Variants in LYPLAL1 observed in about 807,000 individuals in gnomAD.
The protein encoded by LYPLAL1 is lysophospholipase-like protein 1.
Under a neutral mutation model 19.7 loss-of-function variants are expected in LYPLAL1, and 23 were observed. That is an observed-to-expected ratio of 1.17 (90% CI 0.84 to 1.65). LYPLAL1 has a LOEUF of 1.65. LYPLAL1 is among the 40% of genes most tolerant of loss of function. The probability of loss-of-function intolerance (pLI) is 0.00; values close to 1 mark genes in which losing one functional copy is unlikely to be tolerated. For missense variants in LYPLAL1, 355 were observed against 279.4 expected (o/e 1.27, Z -1.93); for synonymous variants, 119 against 96.3 (o/e 1.24, Z -1.38).
At chr1:219,254,181 T>C in the LYPLAL1 span, among the ~76,000 whole-genome samples, 2 of 152,060 alleles carry the variant, frequency 1.3e-5, no homozygotes, top group African/African-American at 4.8e-5. Flanking sequence ...TCATTACGTT[T>C]GAGACGGATC....
chr1:219,309,708 A>G, the LYPLAL1 span, among the ~76,000 whole-genome samples: 1 of 152,218 alleles, frequency 6.6e-6, no homozygotes, highest in Non-Finnish European at 1.5e-5. Context: ...GCCTTCTGCC[A>G]TGATTCTGAG....
chr1:219,187,226 G>C (rs1328737266), intron 2 of LYPLAL1, among the ~76,000 whole-genome samples: 1 of 151,580 alleles, frequency 6.6e-6, no homozygotes, highest in Non-Finnish European at 1.5e-5. Context: ...CTCAGTTGTG[G>C]TCTATTACAG....
downstream of LYPLAL1, among the ~76,000 whole-genome samples, chr1:219,217,379 G>GGGGTGTGTGTGTGT (rs1553304603): frequency 1.2e-4 from 16 of 134,046 alleles, no homozygotes; most frequent in Admixed American, 3.1e-4. Flanking sequence ...TGCCAGGTTT[G>GGGGTGTGTGTGTGT]GTGTGTGTGT....
the LYPLAL1 span, among the ~76,000 whole-genome samples, chr1:219,384,996 G>T: frequency 1.3e-5 from 2 of 152,108 alleles, no homozygotes; most frequent in Non-Finnish European, 2.9e-5. Flanking sequence ...ATCTTGGATC[G>T]TCCAGACTAT....
At position 219,179,162 on chromosome 1, in the gene LYPLAL1, G is replaced by A; in HGVS notation, c.107G>A (p.Gly36Glu). The A allele has an allele frequency of 6.2e-7, 1 of 1,610,892 alleles. No individual in the cohort carries two copies. Among genetic ancestry groups the A allele is most frequent in the Non-Finnish European group, 8.5e-7 (1 of 1,178,662 alleles). ...GATTCATCAGGTGATTCTGGACAAGGATTAAGAATGTGGATCAAGCAGGTT... is the reference window on the plus strand; with the variant it reads ...GATTCATCAGGTGATTCTGGACAAGAATTAAGAATGTGGATCAAGCAGGTT... ...FLHGSGDSGQGLRMWIKQVLN... is the reference protein window; with the variant it reads ...FLHGSGDSGQELRMWIKQVLN... Residue 36 changes from glycine to glutamate, a missense_variant, in exon 2 of 5, where the codon GGA becomes GAA. Coordinates refer to ENST00000366928, the MANE Select transcript of LYPLAL1 (RefSeq NM_138794.5).
the LYPLAL1 span, among the ~76,000 whole-genome samples, chr1:219,433,643 G>T: frequency 6.6e-6 from 1 of 152,198 alleles, no homozygotes; most frequent in South Asian, 2.1e-4. Context: ...ACAAGGCAGG[G>T]CCATGCTCCT....
chr1:219,403,281 C>T, the LYPLAL1 span, among the ~76,000 whole-genome samples: 1 of 152,116 alleles, frequency 6.6e-6, no homozygotes, highest in Non-Finnish European at 1.5e-5. Context: ...CAGAGACAGA[C>T]AAGAAAACAG....
the LYPLAL1 span, among the ~76,000 whole-genome samples, chr1:219,338,293 G>A: frequency 6.6e-6 from 1 of 151,894 alleles, no homozygotes; most frequent in Admixed American, 6.6e-5. Flanking sequence ...TAAAACTTGG[G>A]AATGAGGCCA....
At chr1:219,180,938 C>T (rs1656223269) in intron 2 of LYPLAL1, among the ~76,000 whole-genome samples, 1 of 152,064 alleles carries the variant, frequency 6.6e-6, no homozygotes, top group South Asian at 2.1e-4. Flanking sequence ...TTCATGGTAA[C>T]TTTTTGTTAC....
the LYPLAL1 span, among the ~76,000 whole-genome samples, chr1:219,430,713 A>G: frequency 1.3e-5 from 2 of 152,246 alleles, no homozygotes; most frequent in Non-Finnish European, 2.9e-5. Context: ...AGTTGACTCA[A>G]CACAACTCCA....
chr1:219,400,775 T>C, the LYPLAL1 span, among the ~76,000 whole-genome samples: 7 of 152,194 alleles, frequency 4.6e-5, no homozygotes, highest in Non-Finnish European at 1.0e-4. Context: ...GCCGGGATTA[T>C]AGGCATGAGC....
chr1:219,366,831 T>A, the LYPLAL1 span, among the ~76,000 whole-genome samples: 2 of 152,042 alleles, frequency 1.3e-5, no homozygotes, highest in Admixed American at 6.6e-5. Context: ...GCTCCACCAC[T>A]GCGTCAGTTA....
intron 3 of LYPLAL1, among the ~76,000 whole-genome samples, chr1:219,196,304 G>T (rs1186502350): frequency 1.3e-5 from 2 of 152,104 alleles, no homozygotes; most frequent in Admixed American, 1.3e-4. Flanking sequence ...CAGTGTAAAA[G>T]TGTTCCTGTT....
intron 2 of LYPLAL1, among the ~76,000 whole-genome samples, chr1:219,181,955 T>TA (rs1362071052): frequency 2.6e-5 from 4 of 152,180 alleles, no homozygotes; most frequent in Non-Finnish European, 5.9e-5. Context: ...TGTTGTTATT[T>TA]AAAATAGTGT....
the LYPLAL1 span, among the ~76,000 whole-genome samples, chr1:219,416,822 C>T: frequency 3.3e-5 from 5 of 152,148 alleles, no homozygotes; most frequent in African/African-American, 4.8e-5. Context: ...CTGCTGGTTG[C>T]TGCTGGTTTT....
the LYPLAL1 span, among the ~76,000 whole-genome samples, chr1:219,257,265 A>G: frequency 6.6e-6 from 1 of 151,602 alleles, no homozygotes; most frequent in African/African-American, 2.4e-5. Flanking sequence ...TGTATATAGT[A>G]TTCCTGATTC....
the LYPLAL1 span, among the ~76,000 whole-genome samples, chr1:219,381,213 A>C: frequency 6.6e-6 from 1 of 152,092 alleles, no homozygotes; most frequent in African/African-American, 2.4e-5. Flanking sequence ...TGGTTTTATA[A>C]AGGGGGCACT....
chr1:219,295,202 T>C, the LYPLAL1 span, among the ~76,000 whole-genome samples: 3 of 152,216 alleles, frequency 2.0e-5, no homozygotes, highest in African/African-American at 7.2e-5. Flanking sequence ...ACTAAAAACC[T>C]ACATATGCTG....
chr1:219,344,792 A>C, the LYPLAL1 span, among the ~76,000 whole-genome samples: 1 of 152,188 alleles, frequency 6.6e-6, no homozygotes, highest in Non-Finnish European at 1.5e-5. Context: ...GAGTCCATTA[A>C]AATATCCAGT....
Sources: allele counts gnomAD v4.1 joint callset (sites outside exome capture counted in the v4.1 genomes callset), GRCh38; gene constraint gnomAD v4.1.1; transcripts MANE v1.5; gene names NCBI Gene and HGNC (gene_info 2026-07-23, HGNC 2026-07-21).